Variants in DRC11 observed in about 807,000 individuals in gnomAD.
The protein encoded by DRC11 is dynein regulatory complex subunit 11.
At chr2:236,474,946 T>C in the DRC11 span, among the ~76,000 whole-genome samples, 3 of 152,192 alleles carry the variant, frequency 2.0e-5, no homozygotes, top group African/African-American at 7.2e-5. Flanking sequence ...CTATCCATCA[T>C]CTCAAATATT....
the DRC11 span, among the ~76,000 whole-genome samples, chr2:236,310,778 A>G: frequency 1.3e-5 from 2 of 152,206 alleles, no homozygotes; most frequent in Non-Finnish European, 2.9e-5. This position sits in a 1 kb window ranked among gnomAD's most constrained non-coding sequence, Gnocchi z 5.5. Context: ...GCCTCATATA[A>G]ATACACACAC....
At chr2:236,465,749 A>G in the DRC11 span, 1 of 1,297,756 alleles carries the variant, frequency 7.7e-7, no homozygotes, top group Non-Finnish European at 1.1e-6. This position sits in a 1 kb window ranked among gnomAD's most constrained non-coding sequence, Gnocchi z 6.2. Context: ...GAGGTCATAA[A>G]AGTTACAGAG....
At chr2:236,381,763 A>T in the DRC11 span, among the ~76,000 whole-genome samples, 2 of 152,052 alleles carry the variant, frequency 1.3e-5, no homozygotes, top group Admixed American at 6.6e-5. This position sits in a 1 kb window ranked among gnomAD's most constrained non-coding sequence, Gnocchi z 5.8. Flanking sequence ...ATGTCTCTTT[A>T]TGTCTTTCAC....
At chr2:236,326,267 T>C in the DRC11 span, among the ~76,000 whole-genome samples, 1 of 152,226 alleles carries the variant, frequency 6.6e-6, no homozygotes, top group Non-Finnish European at 1.5e-5. Context: ...CTTTAAACAA[T>C]TGTTCCTCTG....
At chr2:236,433,208 ATT>A in the DRC11 span, among the ~76,000 whole-genome samples, 1 of 152,066 alleles carries the variant, frequency 6.6e-6, no homozygotes, top group African/African-American at 2.4e-5. Context: ...CATTTTCAGA[ATT>A]CCACTGGTTA....
the DRC11 span, among the ~76,000 whole-genome samples, chr2:236,317,813 C>T: frequency 6.6e-6 from 1 of 152,200 alleles, no homozygotes; most frequent in Non-Finnish European, 1.5e-5. This position sits in a 1 kb window ranked among gnomAD's most constrained non-coding sequence, Gnocchi z 5.4. Context: ...AAACTCATGG[C>T]CCCTGGCATG....
At chr2:236,408,325 T>G in the DRC11 span, 4 of 776,150 alleles carry the variant, frequency 5.2e-6, no homozygotes, top group African/African-American at 6.8e-5. This position sits in a 1 kb window ranked among gnomAD's most constrained non-coding sequence, Gnocchi z 5.5. Context: ...CCAGGCCACC[T>G]TGCGCAAGCC....
At chr2:236,357,528 T>C in the DRC11 span, among the ~76,000 whole-genome samples, 7,321 of 127,124 alleles carry the variant, frequency 0.058, 293 homozygotes, top group Middle Eastern at 0.15. Context: ...ATTTATATAT[T>C]ATGAATATAA....
chr2:236,481,895 T>C, the DRC11 span, among the ~76,000 whole-genome samples: 1 of 149,340 alleles, frequency 6.7e-6, no homozygotes, highest in Non-Finnish European at 1.5e-5. Flanking sequence ...ACATATTATA[T>C]GTAGAATTCT....
At chr2:236,386,913 G>A in the DRC11 span, among the ~76,000 whole-genome samples, 2 of 144,140 alleles carry the variant, frequency 1.4e-5, no homozygotes, top group Admixed American at 7.1e-5. Flanking sequence ...CCTTCATTTC[G>A]TTATGTACCC....
At chr2:236,446,896 T>C in the DRC11 span, among the ~76,000 whole-genome samples, 1 of 147,852 alleles carries the variant, frequency 6.8e-6, no homozygotes, top group Non-Finnish European at 1.5e-5. The surrounding 1 kb of genome is among the most constrained non-coding windows in gnomAD (Gnocchi z 6.2). Context: ...CCACTTCCCC[T>C]GACTGCGGCT....
At chr2:236,325,905 A>G in the DRC11 span, among the ~76,000 whole-genome samples, 3 of 152,282 alleles carry the variant, frequency 2.0e-5, no homozygotes, top group African/African-American at 2.4e-5. The surrounding 1 kb of genome is among the most constrained non-coding windows in gnomAD (Gnocchi z 4.4). Flanking sequence ...GCGTGGCTTC[A>G]TATGTCTTAA....
chr2:236,459,518 C>CATGT, the DRC11 span, among the ~76,000 whole-genome samples: 2 of 92,316 alleles, frequency 2.2e-5, no homozygotes, highest in Non-Finnish European at 4.5e-5. Flanking sequence ...TATACGTATA[C>CATGT]ATGTATACAT....
chr2:236,382,849 C>T, the DRC11 span, among the ~76,000 whole-genome samples: 2 of 152,204 alleles, frequency 1.3e-5, no homozygotes, highest in East Asian at 1.9e-4. Context: ...GGATTTTCCA[C>T]AAGAAAATAA....
the DRC11 span, among the ~76,000 whole-genome samples, chr2:236,492,744 G>A: frequency 6.6e-6 from 1 of 152,188 alleles, no homozygotes; most frequent in Non-Finnish European, 1.5e-5. Flanking sequence ...TGGAAAGGGT[G>A]GGAAGAAGAC....
At chr2:236,433,530 C>T in the DRC11 span, among the ~76,000 whole-genome samples, 1 of 152,166 alleles carries the variant, frequency 6.6e-6, no homozygotes, top group Non-Finnish European at 1.5e-5. Flanking sequence ...TCTTACATTA[C>T]ATTTTCTAGC....
At chr2:236,418,662 C>T in the DRC11 span, among the ~76,000 whole-genome samples, 3 of 152,344 alleles carry the variant, frequency 2.0e-5, no homozygotes, top group Middle Eastern at 3.4e-3. Context: ...CAATGTGACA[C>T]TGTGTGAACT....
chr2:236,463,781 CTG>C, the DRC11 span, among the ~76,000 whole-genome samples: 1 of 152,206 alleles, frequency 6.6e-6, no homozygotes, highest in African/African-American at 2.4e-5. The surrounding 1 kb of genome is among the most constrained non-coding windows in gnomAD (Gnocchi z 5.0). Flanking sequence ...GTCATGGTTT[CTG>C]GGTGGGGAAC....
chr2:236,459,517 A>G, the DRC11 span, among the ~76,000 whole-genome samples: 1 of 98,176 alleles, frequency 1.0e-5, no homozygotes, highest in Non-Finnish European at 2.2e-5. Flanking sequence ...GTATACGTAT[A>G]CATGTATACA....
Sources: gnomAD v4.1 joint callset for allele counts (sites outside exome capture counted in the v4.1 genomes callset) on GRCh38, gnomAD v4.1.1 for gene constraint, Gnocchi (gnomAD v3.1) non-coding constraint, MANE v1.5 for transcripts, NCBI Gene and HGNC (gene_info 2026-07-23, HGNC 2026-07-21) for gene names.